The following ATP6V1C2 variants were observed in gnomAD, a reference collection of about 807,000 sequenced individuals.
ATP6V1C2 encodes ATPase H+ transporting V1 subunit C2.
Under a neutral mutation model 56.8 loss-of-function variants are expected in ATP6V1C2, and 45 were observed. The observed-to-expected ratio is 0.79, with a 90% CI of 0.62 to 1.02. The LOEUF is 1.02. ATP6V1C2 is among the 50% of genes least tolerant of loss of function. The probability of loss-of-function intolerance (pLI) is 0.00; values close to 1 mark genes in which losing one functional copy is unlikely to be tolerated. For missense variants in ATP6V1C2, 463 were observed against 519.7 expected (o/e 0.89, Z 1.06); for synonymous variants, 220 against 201.3 (o/e 1.09, Z -0.79).
intron 5 of ATP6V1C2, 122 bp downstream of exon 5, chr2:10,764,547 G>A: frequency 2.5e-6 from 2 of 800,008 alleles, no homozygotes; most frequent in East Asian, 5.2e-5. Context: ...TTTCTGAGGT[G>A]TGGCCTCCTT....
At chr2:10,765,824 G>A (rs2148483189) in intron 5 of ATP6V1C2, among the ~76,000 whole-genome samples, 1 of 152,298 alleles carries the variant, frequency 6.6e-6, no homozygotes, top group East Asian at 1.9e-4. Context: ...AGGGATGCCA[G>A]ACTCAGTGGG....
chr2:10,773,718 C>T (rs185139340), intron 8 of ATP6V1C2, among the ~76,000 whole-genome samples: 75 of 152,230 alleles, frequency 4.9e-4, no homozygotes, highest in African/African-American at 1.7e-3. Flanking sequence ...TTTGTATGGC[C>T]GAGAAGGTTT....
At position 10,784,819 on chromosome 2, in the gene ATP6V1C2, G is replaced by T; in HGVS notation, c.*1556G>T. On this transcript the variant is annotated 3_prime_UTR_variant, in exon 14 of 14. Transcript: ENST00000272238. ...AGAAGAACCTCTTAAAAGGCCCACG[G>T]GTGCACCAGGGCTGAGGTCTGATGG... 1 of 720,868 alleles carries T rather than the reference G, an allele frequency of 1.4e-6. No individual in the cohort carries two copies. Among genetic ancestry groups the T allele is most frequent in the Non-Finnish European group, 2.4e-6 (1 of 420,516 alleles). 44.7% of individuals were successfully genotyped at this position (720,868 alleles called of 1,614,324 possible). A position where few individuals can be genotyped will look rare whatever the true frequency, so the allele number is the denominator to read the frequency against.
chr2:10,756,811 C>G (rs1358693899), intron 4 of ATP6V1C2, among the ~76,000 whole-genome samples: 2 of 152,064 alleles, frequency 1.3e-5, no homozygotes, highest in Non-Finnish European at 2.9e-5. Flanking sequence ...GCGATACCAC[C>G]TAGGTTTTTG....
chr2:10,768,209 T>C (rs1664354807), intron 5 of ATP6V1C2: 1 of 154,830 alleles, frequency 6.5e-6, no homozygotes, highest in Admixed American at 6.4e-5. Context: ...GTGGAACAAA[T>C]GGGGAAACCT....
chr2:10,752,684 C>T (rs770218518), intron 3 of ATP6V1C2, among the ~76,000 whole-genome samples: 2 of 152,094 alleles, frequency 1.3e-5, no homozygotes, highest in African/African-American at 2.4e-5. Flanking sequence ...AACGGAGGCT[C>T]AAAATAATTA....
chr2:10,743,995 A>AT (rs1164554304), intron 3 of ATP6V1C2, among the ~76,000 whole-genome samples: 235 of 40,404 alleles, frequency 5.8e-3, no homozygotes, highest in African/African-American at 0.012. Flanking sequence ...AAAAAAAAAA[A>AT]AATAATAATA....
rs535256223 is a variant in ATP6V1C2 at position 10,766,232 on chromosome 2, C to T, written c.378+1807C>T. ...CTGGCAGCAGCAGGGGCAGAGGCTC[C>T]GGGGTGTTGTCTCCCTCAGTCCTTC... On this transcript the variant is annotated intron_variant, in intron 5 of 13. Transcript: ENST00000272238. Among the ~76,000 whole-genome samples, 9 of 152,262 alleles carry T rather than the reference C, an allele frequency of 5.9e-5. No individual in the cohort carries two copies. The South Asian group carries it at 1.5e-3, about 25-fold the overall frequency.
At chr2:10,775,809 T>C (rs1401262667) in intron 10 of ATP6V1C2, among the ~76,000 whole-genome samples, 4 of 152,154 alleles carry the variant, frequency 2.6e-5, no homozygotes, top group African/African-American at 9.6e-5. Context: ...CTGGGTGGAA[T>C]GTTTTTGGGA....
intron 3 of ATP6V1C2, among the ~76,000 whole-genome samples, chr2:10,745,779 C>G (rs1416393154): frequency 6.6e-6 from 1 of 152,152 alleles, no homozygotes; most frequent in Non-Finnish European, 1.5e-5. Context: ...TCCTCCTTTC[C>G]TCCTCCCCCA....
At chr2:10,742,307 A>G (rs1662598192) in intron 3 of ATP6V1C2, among the ~76,000 whole-genome samples, 2 of 152,298 alleles carry the variant, frequency 1.3e-5, no homozygotes, top group South Asian at 2.1e-4. Context: ...TTGGTGTTGC[A>G]TAGACTTGCC....
intron 6 of ATP6V1C2, among the ~76,000 whole-genome samples, chr2:10,770,536 C>A (rs1421689023): frequency 6.6e-6 from 1 of 152,244 alleles, no homozygotes; most frequent in African/African-American, 2.4e-5. Context: ...GATGGGTCAT[C>A]TGTCCGTCCT....
intron 6 of ATP6V1C2, among the ~76,000 whole-genome samples, chr2:10,770,701 A>G (rs1664543762): frequency 6.6e-6 from 1 of 152,222 alleles, no homozygotes; most frequent in Admixed American, 6.5e-5. Context: ...ATTGATTCGC[A>G]GTGACTTTAA....
At chr2:10,752,934 T>G (rs1179475822) in intron 3 of ATP6V1C2, among the ~76,000 whole-genome samples, 1 of 152,110 alleles carries the variant, frequency 6.6e-6, no homozygotes, top group Non-Finnish European at 1.5e-5. Flanking sequence ...AGGCGGAGGT[T>G]GCAGTGAGTC....
chr2:10,734,228 C>A (rs1467322212), intron 3 of ATP6V1C2, among the ~76,000 whole-genome samples: 1 of 152,016 alleles, frequency 6.6e-6, no homozygotes, highest in African/African-American at 2.4e-5. Context: ...CCTCTTCACC[C>A]CTCCTCCTCC....
chr2:10,768,673 C>G, intron 5 of ATP6V1C2, 46 bp from the exon 6 acceptor site: 1 of 1,537,314 alleles, frequency 6.5e-7, no homozygotes, highest in African/African-American at 1.4e-5. Context: ...TCAGCCAACT[C>G]CTTCAATGCT....
At chr2:10,747,456 A>G (rs560597034) in intron 3 of ATP6V1C2, among the ~76,000 whole-genome samples, 17 of 152,296 alleles carry the variant, frequency 1.1e-4, no homozygotes, top group Non-Finnish European at 2.2e-4. Flanking sequence ...TGTATTTCTT[A>G]AAAATAAGGA....
intron 3 of ATP6V1C2, among the ~76,000 whole-genome samples, chr2:10,752,107 C>T (rs889197937): frequency 1.3e-5 from 2 of 152,058 alleles, no homozygotes; most frequent in Non-Finnish European, 2.9e-5. Context: ...CTCACATAAA[C>T]CATGCAAGTG....
At chr2:10,745,059 T>TTC (rs1553326947) in intron 3 of ATP6V1C2, among the ~76,000 whole-genome samples, 3 of 142,946 alleles carry the variant, frequency 2.1e-5, no homozygotes, top group Admixed American at 1.3e-4. Flanking sequence ...TTTTTTTTTT[T>TTC]CTGAGACGGA....
Sources: gnomAD v4.1 joint callset for allele counts (sites outside exome capture counted in the v4.1 genomes callset) on GRCh38, gnomAD v4.1.1 for gene constraint, MANE v1.5 for transcripts, NCBI Gene and HGNC (gene_info 2026-07-23, HGNC 2026-07-21) for gene names.